The following KRT75 variants were observed in gnomAD, a reference collection of about 807,000 sequenced individuals.
The protein encoded by KRT75 is keratin 75.
KRT75 carries 35 observed loss-of-function variants against 48.8 expected under a neutral mutation model. The ratio of observed to expected loss-of-function variants is 0.72; its 90% CI spans 0.55 to 0.95. The LOEUF is 0.95. KRT75 is among the 40% of genes least tolerant of loss of function. The probability of loss-of-function intolerance (pLI) is 0.00; values close to 1 mark genes in which losing one functional copy is unlikely to be tolerated. For missense variants in KRT75, 776 were observed against 709.9 expected (o/e 1.09, Z -1.06); for synonymous variants, 301 against 282.3 (o/e 1.07, Z -0.66).
Position 52,428,348 on chromosome 12 carries a change from G to C in KRT75, c.1290C>G (p.Leu430=). The change falls in exon 7 of 9, where the codon CTC becomes CTG. Residue 430 remains leucine, a synonymous_variant. Coordinates refer to ENST00000252245, the MANE Select transcript of KRT75 (RefSeq NM_004693.3). ...TCATCAGCTCCTGGTACTCACGCAGGAGCCGAGCCATGTCCTGCTTGGCCT... is the reference window on the plus strand; with the variant it reads ...TCATCAGCTCCTGGTACTCACGCAGCAGCCGAGCCATGTCCTGCTTGGCCT... ...LQKAKQDMAR[L]LREYQELMNI... 6.2e-7 allele frequency: 1 copy of C among 1,613,914 alleles called. No individual in the cohort carries two copies. The highest frequency in any genetic ancestry group is 8.5e-7 in the Non-Finnish European group (1 of 1,179,988).
rs1164085888 is a variant in KRT75 at position 52,428,612 on chromosome 12, C to T, written c.1161+6G>A. 9.9e-6 allele frequency: 16 copies of T among 1,614,266 alleles called. No homozygotes were observed. The highest frequency in any genetic ancestry group is 1.3e-5 in the Non-Finnish European group (15 of 1,180,054). On this transcript the variant is annotated splice_donor_region_variant and intron_variant, in intron 6 of 8. Coordinates refer to ENST00000252245, the MANE Select transcript of KRT75 (RefSeq NM_004693.3). ...TGAGGAGCTCTTGGCCCTGCCAAAT[C>T]TTTACCTGCTTCTTGACGCTGTCAA...
intron 5 of KRT75, among the ~76,000 whole-genome samples, chr12:52,429,235 G>T (rs1311070023): frequency 6.6e-6 from 1 of 152,180 alleles, no homozygotes; most frequent in Admixed American, 6.5e-5. Flanking sequence ...TGGTCACAGA[G>T]CGTGCATCCA....
In KRT75 at chr12:52,428,484, G is replaced by T; in HGVS notation, c.1162-8C>A. On this transcript the variant is annotated splice_region_variant and splice_polypyrimidine_tract_variant and intron_variant, in intron 6 of 8. Coordinates refer to ENST00000252245, the MANE Select transcript of KRT75 (RefSeq NM_004693.3). ...CGTTTGCAAGCTGGAACACTGTAAG[G>T]ACAGGAGGAAGCCATGAGTCCTGCT... is the stretch of plus-strand genomic sequence containing the variant. 1 of 1,612,946 alleles carries T rather than the reference G, an allele frequency of 6.2e-7. No individual in the cohort carries two copies. The highest frequency in any genetic ancestry group is 8.5e-7 in the Non-Finnish European group (1 of 1,179,382).
Position 52,433,066 on chromosome 12 carries a change from G to T in KRT75, c.685C>A (p.Gln229Lys). The T allele has an allele frequency of 6.2e-7, 1 of 1,613,774 alleles. No homozygotes were observed. Among genetic ancestry groups the T allele is most frequent in the Non-Finnish European group, 8.5e-7 (1 of 1,179,996 alleles). ...ACTTTGAAATCTTCCACAACATCCT[G>T]CATGTTCCTCAGTTCAGCTTCAAGC... ...GRLEAELRNMQDVVEDFKVRY... is the reference protein window; with the variant it reads ...GRLEAELRNMKDVVEDFKVRY... The change falls in exon 2 of 9, where the codon CAG becomes AAG. Residue 229 changes from glutamine (Q) to lysine (K), a missense_variant. Coordinates refer to ENST00000252245, the MANE Select transcript of KRT75 (RefSeq NM_004693.3).
chr12:52,430,240 A>G (rs1940125643), intron 5 of KRT75, among the ~76,000 whole-genome samples: 1 of 152,100 alleles, frequency 6.6e-6, no homozygotes, highest in South Asian at 2.1e-4. Context: ...TAAGCCTTTT[A>G]GAAACTGCTT....
rs762179708 is a variant in KRT75 at position 52,434,265 on chromosome 12, G to A, written c.40C>T (p.Arg14Cys). 5.0e-6 allele frequency: 8 copies of A among 1,587,734 alleles called. No homozygotes were observed. The highest frequency in any genetic ancestry group is 3.5e-5 in the Admixed American group (2 of 57,922). ...QSSITFQSGS[R>C]RGFSTTSAIT... ...GCCGAGGTGGTGCTGAAGCCCCTGC[G>A]GCTGCCAGACTGGAAGGTGATGGAG... Residue 14 changes from arginine to cysteine, a missense_variant, in exon 1 of 9, where the codon CGC becomes TGC. Coordinates refer to ENST00000252245, the MANE Select transcript of KRT75 (RefSeq NM_004693.3).
In KRT75 at chr12:52,429,818, C is replaced by A. The variant is rs79911548; in HGVS notation, c.1035+723G>T. Among the ~76,000 whole-genome samples, 3,679 of 152,166 alleles carry A rather than the reference C, an allele frequency of 0.024. 590 individuals carry two copies. In the East Asian group the frequency reaches 0.45, roughly 19 times the overall value. ...AACCTGCTCGTAGGTGAGAAGCTGC[C>A]CCAAGAGGGGTCTGGATTTGACAGG... On this transcript the variant is annotated intron_variant, in intron 5 of 8. Coordinates refer to ENST00000252245, the MANE Select transcript of KRT75 (RefSeq NM_004693.3).
At chr12:52,428,031 C>G in intron 7 of KRT75, 1 of 607,392 alleles carries the variant, frequency 1.6e-6, no homozygotes, top group Non-Finnish European at 2.9e-6. Context: ...TTACTTAGAC[C>G]TGATCAGGTT....
chr12:52,424,878 C>T, intron 8 of KRT75, 123 bp from the exon 9 acceptor site: 1 of 791,628 alleles, frequency 1.3e-6, no homozygotes, highest in South Asian at 1.4e-5. Context: ...CAGCAGTTTG[C>T]CTCCTTCCAA....
intron 5 of KRT75, among the ~76,000 whole-genome samples, chr12:52,429,685 G>A (rs1592163270): frequency 6.6e-6 from 1 of 152,144 alleles, no homozygotes; most frequent in African/African-American, 2.4e-5. Context: ...TCACCGTCAA[G>A]GCGCTGCCTC....
At position 52,431,631 on chromosome 12, in the gene KRT75, T is replaced by A; in HGVS notation, c.782A>T (p.Asp261Val). ...CTCCACCTTGTTCATATAGGCAGCA[T>A]CTACGTCCTGGAATGACAGCGCAGG... ...NEFVALKKDV[D>V]AAYMNKVELE... The change falls in exon 4 of 9, where the codon GAT (aspartate) becomes GTT (valine). Residue 261 changes from aspartate (D) to valine (V), a missense_variant. Physicochemically the swap from Asp to Val is radical, Grantham distance 152. Transcript: ENST00000252245. The A allele has an allele frequency of 6.2e-7, 1 of 1,613,248 alleles. No individual in the cohort carries two copies. Among genetic ancestry groups the A allele is most frequent in the Non-Finnish European group, 8.5e-7 (1 of 1,179,134 alleles).
In KRT75 at chr12:52,434,283, T is replaced by C. The variant is rs1592165237; in HGVS notation, c.22A>G (p.Thr8Ala). MSRQSSI[T>A]FQSGSRRGFS... The stretch of plus-strand genomic sequence containing the variant: ...CCCCTGCGGCTGCCAGACTGGAAGG[T>C]GATGGAGGACTGCCGAGACATGGTG... The change falls in exon 1 of 9, where the codon ACC becomes GCC. Residue 8 changes from threonine (T) to alanine (A), a missense_variant. By Grantham distance (58) the Thr-to-Ala change is moderately conservative. Transcript: ENST00000252245. 1 of 1,587,002 alleles carries C rather than the reference T, an allele frequency of 6.3e-7. No individual in the cohort carries two copies. The highest frequency in any genetic ancestry group is 1.3e-5 in the African/African-American group (1 of 74,314).
At chr12:52,432,973 T>C in intron 2 of KRT75, 65 bp downstream of exon 2, 1 of 1,520,870 alleles carries the variant, frequency 6.6e-7, no homozygotes, top group Non-Finnish European at 9.1e-7. Flanking sequence ...TTTGCACCTC[T>C]CTGGTCCTCA....
At position 52,428,702 on chromosome 12, in the gene KRT75, G is replaced by C. The variant is rs1940106387; in HGVS notation, c.1077C>G (p.Asp359Glu). ...AGATCTCTTGTTTGGTGTTTCGAAG[G>C]TCATCCCCATGTCTGCCTGCGGTGA... ...LQVTAGRHGDDLRNTKQEISE... is the reference protein window; with the variant it reads ...LQVTAGRHGDELRNTKQEISE... The change falls in exon 6 of 9, where the codon GAC becomes GAG. Residue 359 changes from aspartate to glutamate, a missense_variant. Asp to Glu is a conservative substitution (Grantham distance 45). Coordinates refer to ENST00000252245, the MANE Select transcript of KRT75 (RefSeq NM_004693.3). The C allele has an allele frequency of 6.2e-7, 1 of 1,614,136 alleles. No homozygotes were observed. Among genetic ancestry groups the C allele is most frequent in the Non-Finnish European group, 8.5e-7 (1 of 1,180,044 alleles).
At chr12:52,426,702 C>A (rs902001614) in intron 8 of KRT75, 115 bp downstream of exon 8, 196 of 1,070,626 alleles carry the variant, frequency 1.8e-4, no homozygotes, top group Non-Finnish European at 2.4e-4. Context: ...CAAATGAACG[C>A]TGTCTGTGAG....
rs745999128 is a variant in KRT75 at position 52,430,604 on chromosome 12, T to C, written c.972A>G (p.Lys324=). The C allele has an allele frequency of 6.2e-7, 1 of 1,614,190 alleles. No homozygotes were observed. Among genetic ancestry groups the C allele is most frequent in the Non-Finnish European group, 8.5e-7 (1 of 1,180,024 alleles). Residue 324 remains lysine, a synonymous_variant, in exon 5 of 9, where the codon AAA becomes AAG. Transcript: ENST00000252245. The part of the protein sequence containing the change: ...LDLDSIIAEV[K]AQYEDIANRS... ...GGTTGGCAATGTCCTCGTATTGTGC[T>C]TTGACCTCGGCGATGATACTATCCA...
chr12:52,424,457 G>T lies in KRT75; in HGVS notation c.*60C>A, dbSNP rs1940051294. ...GGAGAGAGGAAGGAGGAGGACCCTG[G>T]TGTCCAGGTGTGACTGCAAACAGGC... On this transcript the variant is annotated 3_prime_UTR_variant, in exon 9 of 9. Transcript: ENST00000252245. 5.0e-5 allele frequency: 71 copies of T among 1,424,772 alleles called. 1 individual carries two copies. In the South Asian group the frequency reaches 8.0e-4, roughly 16 times the overall value. 88.3% of individuals were successfully genotyped at this position (1,424,772 alleles called of 1,614,324 possible).
rs1292114043 is a variant in KRT75 at position 52,424,743 on chromosome 12, G to C, written c.1430C>G (p.Ser477Cys). ...GCTTCCATAGCCACTGGAAAGAGTAGAGGTGACCACAGCTGCCGGGAAGAG... is the reference window on the plus strand; with the variant it reads ...GCTTCCATAGCCACTGGAAAGAGTACAGGTGACCACAGCTGCCGGGAAGAG... ...VSPVNISVVT[S>C]TLSSGYGSGS... The change falls in exon 9 of 9, where the codon TCT becomes TGT. Residue 477 changes from serine (S) to cysteine (C), a missense_variant. Ser to Cys is a moderately radical substitution (Grantham distance 112, BLOSUM62 -1). Coordinates refer to ENST00000252245, the MANE Select transcript of KRT75 (RefSeq NM_004693.3). 1.2e-6 allele frequency: 2 copies of C among 1,613,266 alleles called. No individual in the cohort carries two copies. The highest frequency in any genetic ancestry group is 8.5e-7 in the Non-Finnish European group (1 of 1,179,400).
At chr12:52,428,813 C>T in intron 5 of KRT75, 70 bp from the exon 6 acceptor site, 2 of 1,599,346 alleles carry the variant, frequency 1.3e-6, no homozygotes, top group South Asian at 1.1e-5. Flanking sequence ...TGCACACAGA[C>T]CCACCCTGGG....
Sources: allele counts gnomAD v4.1 joint callset (sites outside exome capture counted in the v4.1 genomes callset), GRCh38; gene constraint gnomAD v4.1.1; transcripts MANE v1.5; gene names NCBI Gene and HGNC (gene_info 2026-07-23, HGNC 2026-07-21).